Variants in DNASE1 observed in about 807,000 individuals in gnomAD.
DNASE1 encodes the protein deoxyribonuclease 1, also known as deoxyribonuclease-1.
A neutral mutation model predicts 33.9 loss-of-function variants in DNASE1; 40 were observed. The ratio of observed to expected loss-of-function variants is 1.18; its 90% CI spans 0.92 to 1.54. The LOEUF (loss-of-function observed/expected upper bound fraction) is 1.54. Ranked by LOEUF, DNASE1 falls within the 40% of genes most tolerant of loss-of-function variation. DNASE1 has a pLI of 0.00. For synonymous variants in DNASE1, 216 were observed against 160.0 expected, an observed-to-expected ratio of 1.35 and a Z score of -2.64; for missense variants, 518 against 372.6, an observed-to-expected ratio of 1.39 and a Z score of -3.21.
At position 3,656,141 on chromosome 16, in the gene DNASE1, A is replaced by G; in HGVS notation, c.276A>G (p.Pro92=). The G allele has an allele frequency of 6.2e-7, 1 of 1,614,100 alleles. No individual in the cohort carries two copies. Among genetic ancestry groups the G allele is most frequent in the Non-Finnish European group, 8.5e-7 (1 of 1,180,018 alleles). Residue 92 remains proline (P), a synonymous_variant, in exon 4 of 9, where the codon CCA becomes CCG. Transcript: ENST00000246949. ...PDTYHYVVSE[P]LGRNSYKERY... ...CCTATCACTACGTGGTCAGTGAGCC[A>G]CTGGGACGGAACAGCTATAAGGAGC...
At chr16:3,621,651 T>C (rs183389098) in intron 1 of DNASE1, among the ~76,000 whole-genome samples, 1 of 152,372 alleles carries the variant, frequency 6.6e-6, no homozygotes, top group African/African-American at 2.4e-5. Flanking sequence ...TGGAGATTTT[T>C]CCTTATTACA....
chr16:3,655,827 A>G, intron 2 of DNASE1, 22 bp from the exon 3 acceptor site: 1 of 1,612,748 alleles, frequency 6.2e-7, no homozygotes, highest in Non-Finnish European at 8.5e-7. Context: ...CCTGCTCAGC[A>G]CCACTGTGGC....
In DNASE1 at chr16:3,644,179, A is replaced by C. The variant is rs185020999; in HGVS notation, c.-86+1143A>C. On this transcript the variant is annotated intron_variant, in intron 1 of 9. Coordinates refer to the DNASE1 transcript ENST00000407479. ...AAAATTCAGCCAGGTGCAGTAGCTCACACCTGTAATCCCAGCACTTTGGGA... is the reference window on the plus strand; with the variant it reads ...AAAATTCAGCCAGGTGCAGTAGCTCCCACCTGTAATCCCAGCACTTTGGGA... 1.7e-3 allele frequency among the ~76,000 whole-genome samples: 260 copies of C among 152,358 alleles called. No homozygotes were observed. In the Middle Eastern group the frequency reaches 0.041, roughly 24 times the overall value.
chr16:3,652,506 C>G (rs1169233343), upstream of DNASE1: 5 of 152,268 alleles, frequency 3.3e-5, no homozygotes, highest in African/African-American at 1.2e-4. Context: ...CTGTCCTAGA[C>G]TTAGAGATTA....
At position 3,664,438 on chromosome 16, in the gene DNASE1, G is replaced by A. The variant is rs148549350; in HGVS notation, c.*6485G>A. ...GAGGGCAGCGCCGAGGACTCGTAGC[G>A]CAGCAGCTTTGCTATGTCCTCCTAG... is the stretch of plus-strand genomic sequence containing the variant. On this transcript the variant is annotated 3_prime_UTR_variant, in exon 10 of 10. Coordinates refer to the DNASE1 transcript ENST00000407479. 536 of 1,611,726 alleles carry A rather than the reference G, an allele frequency of 3.3e-4. No individual in the cohort carries two copies. The highest frequency in any genetic ancestry group is 3.9e-4 in the Non-Finnish European group (464 of 1,179,172).
intron 1 of DNASE1, among the ~76,000 whole-genome samples, chr16:3,648,285 G>C (rs773862597): frequency 6.6e-6 from 1 of 151,898 alleles, no homozygotes; most frequent in African/African-American, 2.4e-5. Flanking sequence ...TGCAGTGGCC[G>C]GATGCGGTGG....
At chr16:3,636,637 C>T (rs576353246) in intron 1 of DNASE1, among the ~76,000 whole-genome samples, 6 of 151,562 alleles carry the variant, frequency 4.0e-5, no homozygotes, top group Admixed American at 6.6e-5. Context: ...GCCTGGGCAA[C>T]GTAGAGACCC....
Position 3,657,348 on chromosome 16 carries a change from A to C in DNASE1, c.704+7A>C, listed in dbSNP as rs1263112719. On this transcript the variant is annotated splice_region_variant and intron_variant, in intron 7 of 8. Coordinates refer to ENST00000246949, the MANE Select transcript of DNASE1 (RefSeq NM_005223.4). ...CGCACTGTGCCTATGACAGGTGAGC[A>C]GGGCCTCGCGCTTAGGGCAGACTGA... The C allele has an allele frequency of 2.5e-6, 4 of 1,612,186 alleles. No individual in the cohort carries two copies. Among genetic ancestry groups the C allele is most frequent in the Middle Eastern group, 3.3e-4 (2 of 6,076 alleles).
intron 1 of DNASE1, among the ~76,000 whole-genome samples, chr16:3,644,734 CAAA>C (rs779237862): frequency 1.9e-5 from 2 of 103,028 alleles, no homozygotes; most frequent in Admixed American, 1.0e-4. Context: ...GACTCCATCT[CAAA>C]AAAAAAAAAA....
At chr16:3,656,315 A>C (rs2042615148) in intron 4 of DNASE1, 130 bp downstream of exon 4, 2 of 1,009,722 alleles carry the variant, frequency 2.0e-6, no homozygotes, top group Admixed American at 2.0e-5. Context: ...TCCAGGGTGG[A>C]GTGAAAACAC....
intron 2 of DNASE1, 69 bp from the exon 3 acceptor site, chr16:3,655,778 TCC>T: frequency 6.3e-7 from 1 of 1,576,556 alleles, no homozygotes; most frequent in Non-Finnish European, 8.7e-7. Context: ...CAGCTGTGGC[TCC>T]CTTTGTGGCG....
At chr16:3,646,709 C>T (rs1372457203) in intron 1 of DNASE1, among the ~76,000 whole-genome samples, 4 of 152,010 alleles carry the variant, frequency 2.6e-5, no homozygotes, top group South Asian at 2.1e-4. Context: ...TACACATTTG[C>T]GAGATGTTCT....
At chr16:3,640,944 T>C, upstream of DNASE1, 1 of 398,428 alleles carries the variant, frequency 2.5e-6, no homozygotes, top group Non-Finnish European at 4.4e-6. Context: ...TCTCGATGGC[T>C]CCACCGTGAC....
intron 1 of DNASE1, among the ~76,000 whole-genome samples, chr16:3,647,657 A>G (rs1457305678): frequency 1.3e-5 from 2 of 152,132 alleles, no homozygotes; most frequent in South Asian, 4.1e-4. Flanking sequence ...TTTGAAGCAA[A>G]TCCCAGGTAC....
At chr16:3,623,487 TAATTAAATGAAA>T (rs1460924042) in intron 1 of DNASE1, among the ~76,000 whole-genome samples, 2 of 152,132 alleles carry the variant, frequency 1.3e-5, no homozygotes, top group Non-Finnish European at 2.9e-5. Context: ...AAATGGGACT[TAATTAAATGAAA>T]ACACTTCTAC....
At chr16:3,618,848 T>A (rs1012487624) in intron 1 of DNASE1, among the ~76,000 whole-genome samples, 1 of 152,202 alleles carries the variant, frequency 6.6e-6, no homozygotes, top group African/African-American at 2.4e-5. Context: ...AACATTTGCT[T>A]ATTTCCGTTT....
exon 10 of DNASE1, chr16:3,664,141 G>A (rs2050765828): frequency 2.1e-6 from 2 of 945,012 alleles, no homozygotes; most frequent in Non-Finnish European, 3.0e-6. Flanking sequence ...TCCGGCCTCT[G>A]TGCCCGTGAC....
intron 1 of DNASE1, among the ~76,000 whole-genome samples, chr16:3,613,864 C>T (rs1423049306): frequency 2.0e-5 from 3 of 151,676 alleles, no homozygotes; most frequent in Non-Finnish European, 2.9e-5. Context: ...GCCTCAGCCT[C>T]CGGAGTAGCT....
chr16:3,654,451 C>G (rs555116644), upstream of DNASE1: 24 of 398,672 alleles, frequency 6.0e-5, no homozygotes, highest in African/African-American at 4.5e-4. Flanking sequence ...CTGTCAGCCA[C>G]CAGGGGGCTC....
Sources: gnomAD v4.1 joint callset for allele counts (sites outside exome capture counted in the v4.1 genomes callset) on GRCh38, gnomAD v4.1.1 for gene constraint, MANE v1.5 for transcripts, NCBI Gene and HGNC (gene_info 2026-07-23, HGNC 2026-07-21) for gene names.